TSNARE1: variants seen among roughly 807,000 people sequenced by gnomAD.
The protein encoded by TSNARE1 is t-SNARE domain containing 1.
A neutral mutation model predicts 62.0 loss-of-function variants in TSNARE1; 49 were observed. The observed-to-expected ratio is 0.79, with a 90% CI of 0.63 to 1.00. TSNARE1 has a LOEUF of 1.00. Among genes scored for constraint, TSNARE1 ranks in the 50% least tolerant of loss-of-function variants. The pLI is 0.00. For synonymous variants in TSNARE1, 328 were observed against 294.4 expected (o/e 1.11, Z -1.17); for missense variants, 755 against 700.1 (o/e 1.08, Z -0.88).
At chr8:142,275,031 G>C (rs1012380194) in intron 11 of TSNARE1, 168 bp from the exon 12 acceptor site, 16 of 985,338 alleles carry the variant, frequency 1.6e-5, no homozygotes, top group Non-Finnish European at 1.7e-5. Flanking sequence ...GCTCCGCGTG[G>C]TGTGGGCAGT....
chr8:142,320,964 C>A (rs571020684), intron 6 of TSNARE1, among the ~76,000 whole-genome samples: 1 of 152,358 alleles, frequency 6.6e-6, no homozygotes, highest in Non-Finnish European at 1.5e-5. Context: ...TCTTTCCAGG[C>A]AGGATCTCGT....
In TSNARE1 at chr8:142,322,345, T is replaced by C. The variant is rs907247571; in HGVS notation, c.894-3711A>G. Among the ~76,000 whole-genome samples the C allele has an allele frequency of 2.6e-5, 4 of 152,246 alleles. No homozygotes were observed. The East Asian group carries it at 7.7e-4, about 29-fold the overall frequency. On this transcript the variant is annotated intron_variant, in intron 6 of 13. Transcript: ENST00000524325. ...ATACTTAGAGCAGAAGATGGAATGC[T>C]TCCCCGTAAGATGGGGAACAAGGCA...
intron 12 of TSNARE1, among the ~76,000 whole-genome samples, chr8:142,244,486 G>A (rs977693915): frequency 1.3e-5 from 2 of 152,192 alleles, no homozygotes; most frequent in Non-Finnish European, 2.9e-5. Context: ...AGTAAACAGA[G>A]TGATATACTA....
chr8:142,389,703 G>T (rs949861080), intron 1 of TSNARE1, among the ~76,000 whole-genome samples: 1 of 152,174 alleles, frequency 6.6e-6, no homozygotes, highest in Non-Finnish European at 1.5e-5. Context: ...TTAACACTTC[G>T]TCAAGGGAGG....
At chr8:142,249,799 A>G (rs1212582904) in intron 12 of TSNARE1, among the ~76,000 whole-genome samples, 1 of 152,216 alleles carries the variant, frequency 6.6e-6, no homozygotes, top group Admixed American at 6.5e-5. Context: ...CACTACCTAG[A>G]GCCCATGATG....
intron 12 of TSNARE1, among the ~76,000 whole-genome samples, chr8:142,268,029 G>A (rs1004465883): frequency 1.3e-5 from 2 of 152,198 alleles, no homozygotes; most frequent in Non-Finnish European, 2.9e-5. Flanking sequence ...CCACATCCAA[G>A]AGAAGGGGTT....
intron 12 of TSNARE1, among the ~76,000 whole-genome samples, chr8:142,232,618 C>T (rs1253335887): frequency 6.6e-6 from 1 of 152,210 alleles, no homozygotes; most frequent in Non-Finnish European, 1.5e-5. Context: ...GGAAAGGACG[C>T]CCAGGGACAC....
intron 12 of TSNARE1, chr8:142,270,504 T>TA (rs1819433657): frequency 1.2e-5 from 10 of 864,528 alleles, no homozygotes; most frequent in African/African-American, 1.1e-4. Context: ...ATATATATAT[T>TA]TATGTATTTA....
intron 4 of TSNARE1, among the ~76,000 whole-genome samples, chr8:142,333,995 A>G (rs1009110095): frequency 6.6e-6 from 1 of 152,184 alleles, no homozygotes; most frequent in African/African-American, 2.4e-5. Context: ...AATCAAGTTT[A>G]GCCTAAAGGC....
At chr8:142,397,722 C>T (rs1837996399) in intron 1 of TSNARE1, among the ~76,000 whole-genome samples, 1 of 152,298 alleles carries the variant, frequency 6.6e-6, no homozygotes. Flanking sequence ...CTCGAGCCTG[C>T]AGCCTGAAGC....
intron 1 of TSNARE1, among the ~76,000 whole-genome samples, chr8:142,369,506 C>A (rs1835779377): frequency 6.6e-6 from 1 of 152,204 alleles, no homozygotes; most frequent in South Asian, 2.1e-4. Flanking sequence ...ACAAGACAAT[C>A]AGCAGAGCCA....
intron 12 of TSNARE1, among the ~76,000 whole-genome samples, chr8:142,268,824 G>C (rs1300923798): frequency 1.3e-5 from 2 of 152,208 alleles, no homozygotes; most frequent in Non-Finnish European, 2.9e-5. Flanking sequence ...CCACGGCAGA[G>C]AAGGGAGCAG....
intron 4 of TSNARE1, among the ~76,000 whole-genome samples, chr8:142,341,762 C>T (rs1373604522): frequency 6.6e-6 from 1 of 152,198 alleles, no homozygotes; most frequent in African/African-American, 2.4e-5. Flanking sequence ...TGCGGAGTAC[C>T]ACAGACTGTG....
chr8:142,300,908 G>C (rs1825632422), intron 9 of TSNARE1, among the ~76,000 whole-genome samples: 1 of 152,196 alleles, frequency 6.6e-6, no homozygotes, highest in South Asian at 2.1e-4. Context: ...CAGGTCCCAA[G>C]TGGGGGTGTA....
intron 7 of TSNARE1, among the ~76,000 whole-genome samples, chr8:142,318,111 C>T (rs1056315810): frequency 2.0e-5 from 3 of 152,112 alleles, no homozygotes; most frequent in South Asian, 2.1e-4. Context: ...TCTGATAAGG[C>T]GCCAAGGTAG....
chr8:142,229,421 G>C (rs2130069018), intron 13 of TSNARE1, 52 bp downstream of exon 13: 1 of 1,389,110 alleles, frequency 7.2e-7, no homozygotes, highest in Non-Finnish European at 1.0e-6. Flanking sequence ...TGAATGAATG[G>C]ATGGTGGATG....
Position 142,229,667 on chromosome 8 carries a change from T to C in TSNARE1, c.1447-88A>G, listed in dbSNP as rs1817010656. On this transcript the variant is annotated intron_variant, in intron 12 of 13. Transcript: ENST00000524325. ...TTTGGCTTGTGCATACTTTGGGCTG[T>C]GGCATGCAGGGGCTGAGTCCACCCT... 6 of 1,254,584 alleles carry C rather than the reference T, an allele frequency of 4.8e-6. No homozygotes were observed. The South Asian group carries it at 6.3e-5, about 13-fold the overall frequency. The allele number at this position is 1,254,584 out of a possible 1,614,324, so 77.7% of individuals were successfully genotyped here. A position where few individuals can be genotyped will look rare whatever the true frequency, so the allele number is the denominator to read the frequency against.
intron 1 of TSNARE1, among the ~76,000 whole-genome samples, chr8:142,394,141 G>A (rs1324165002): frequency 6.6e-6 from 1 of 152,250 alleles, no homozygotes; most frequent in Non-Finnish European, 1.5e-5. Flanking sequence ...CAGGCTGCCC[G>A]TGGGCCCCAC....
intron 13 of TSNARE1, among the ~76,000 whole-genome samples, chr8:142,220,892 T>G (rs1816179796): frequency 6.6e-6 from 1 of 152,176 alleles, no homozygotes; most frequent in Admixed American, 6.5e-5. Context: ...CCACAGAAGA[T>G]TCTGTGAAAT....
Sources: gnomAD v4.1 joint callset for allele counts (sites outside exome capture counted in the v4.1 genomes callset) on GRCh38, gnomAD v4.1.1 for gene constraint, MANE v1.5 for transcripts, NCBI Gene and HGNC (gene_info 2026-07-23, HGNC 2026-07-21) for gene names.